ANKRD27: variants seen among roughly 807,000 people sequenced by gnomAD.
ANKRD27 encodes ankyrin repeat domain 27.
Under a neutral mutation model 129.7 loss-of-function variants are expected in ANKRD27, and 112 were observed. That is an observed-to-expected ratio of 0.86 (90% CI 0.74 to 1.01). ANKRD27 has a LOEUF of 1.01. Ranked by LOEUF, ANKRD27 falls within the 50% of genes least tolerant of loss-of-function variation. ANKRD27 has a pLI of 0.00. For missense variants in ANKRD27, 1,258 were observed against 1,300.5 expected (o/e 0.97, Z 0.50); for synonymous variants, 516 against 511.2 (o/e 1.01, Z -0.13).
At chr19:32,652,889 C>A (rs1028836135) in intron 2 of ANKRD27, among the ~76,000 whole-genome samples, 8 of 152,172 alleles carry the variant, frequency 5.3e-5, no homozygotes, top group Admixed American at 4.6e-4. Flanking sequence ...GATCACGCCA[C>A]TATACTCCAG....
rs554018773 is a variant in ANKRD27, at chr19:32,654,503, G to A, written c.102+4411C>T. ...CTTTTTCTTTCAATCTATGAACATAGGTAGAGCACAACTGCGGACTGGACA... is the reference window on the plus strand; with the variant it reads ...CTTTTTCTTTCAATCTATGAACATAAGTAGAGCACAACTGCGGACTGGACA... On this transcript the variant is annotated intron_variant, in intron 2 of 28. Coordinates refer to ENST00000306065, the MANE Select transcript of ANKRD27 (RefSeq NM_032139.3). 1.5e-3 allele frequency among the ~76,000 whole-genome samples: 230 copies of A among 152,306 alleles called. 1 individual carries two copies. The highest frequency in any genetic ancestry group is 5.3e-3 in the African/African-American group (222 of 41,576).
At chr19:32,626,670 AG>A in intron 16 of ANKRD27, 41 bp downstream of exon 16, 1 of 1,485,332 alleles carries the variant, frequency 6.7e-7, no homozygotes, top group Non-Finnish European at 9.2e-7. Flanking sequence ...CCAAGCTCAC[AG>A]GAGCAAAGCG....
chr19:32,639,123 A>C, intron 12 of ANKRD27: 1 of 543,220 alleles, frequency 1.8e-6, no homozygotes. Flanking sequence ...GGACTAATGA[A>C]GTAGGATATT....
At chr19:32,619,651 C>T (rs546444452) in intron 18 of ANKRD27, 98 bp from the exon 19 acceptor site, 55 of 1,445,544 alleles carry the variant, frequency 3.8e-5, no homozygotes, top group African/African-American at 1.1e-4. Flanking sequence ...CCTAGCTCCT[C>T]GGAATGTCAG....
intron 20 of ANKRD27, among the ~76,000 whole-genome samples, chr19:32,618,864 T>C (rs1016318619): frequency 6.6e-6 from 1 of 150,630 alleles, no homozygotes; most frequent in African/African-American, 2.4e-5. Flanking sequence ...TGAGCCCGGA[T>C]TGCACCACTG....
In ANKRD27 at chr19:32,615,676, C is replaced by T; in HGVS notation, c.2157G>A (p.Lys719=). 1 of 1,614,238 alleles carries T rather than the reference C, an allele frequency of 6.2e-7. No individual in the cohort carries two copies. Among genetic ancestry groups the T allele is most frequent in the Non-Finnish European group, 8.5e-7 (1 of 1,180,052 alleles). The change falls in exon 22 of 29, where the codon AAG becomes AAA. Residue 719 remains lysine, a synonymous_variant. Coordinates refer to ENST00000306065, the MANE Select transcript of ANKRD27 (RefSeq NM_032139.3). ...EFCHPLCQCP[K]CAPAQKRLAK... is the part of the protein sequence containing the mutation. ...GCCAAACCTTCTGAGCTGGGGCACA[C>T]TTGGGGCACTGGCACAACGGGTGAC...
At chr19:32,606,035 A>C in intron 23 of ANKRD27, 81 bp from the exon 24 acceptor site, 1 of 1,243,370 alleles carries the variant, frequency 8.0e-7, no homozygotes. Flanking sequence ...AAAAATAAAT[A>C]AATAAATAAA....
intron 21 of ANKRD27, among the ~76,000 whole-genome samples, chr19:32,615,996 A>C (rs1032338419): frequency 2.0e-5 from 3 of 152,144 alleles, no homozygotes; most frequent in Non-Finnish European, 4.4e-5. Flanking sequence ...TATCATAAAA[A>C]AGGACAGGAA....
At chr19:32,674,276 C>T (rs1967934338) in intron 1 of ANKRD27, among the ~76,000 whole-genome samples, 1 of 152,218 alleles carries the variant, frequency 6.6e-6, no homozygotes, top group Non-Finnish European at 1.5e-5. Context: ...AACCCATCAA[C>T]TTGTAAAATC....
chr19:32,626,856 G>A (rs1022372670), intron 15 of ANKRD27, 29 bp from the exon 16 acceptor site: 8 of 1,537,446 alleles, frequency 5.2e-6, no homozygotes, highest in Non-Finnish European at 7.1e-6. Context: ...TCACGATGGA[G>A]AAGGAAGGCG....
intron 12 of ANKRD27, chr19:32,637,660 C>A (rs985736433): frequency 6.6e-6 from 1 of 152,392 alleles, no homozygotes; most frequent in Non-Finnish European, 1.5e-5. Flanking sequence ...AGGGCGGGAG[C>A]CCTGCACTCC....
chr19:32,647,323 A>C (rs1967322325), intron 3 of ANKRD27, among the ~76,000 whole-genome samples: 1 of 152,242 alleles, frequency 6.6e-6, no homozygotes, highest in Non-Finnish European at 1.5e-5. Flanking sequence ...AATGCCCTGA[A>C]AGGGATGTTT....
At position 32,622,518 on chromosome 19, in the gene ANKRD27, G is replaced by C; in HGVS notation, c.1731C>G (p.Tyr577Ter). Residue 577 changes from tyrosine (Y) to a stop codon, truncating the protein, a stop_gained, in exon 18 of 29, where the codon TAC becomes TAG. Transcript: ENST00000306065. LOFTEE classifies it high-confidence loss of function. ...GCAGCAATGTCTCTATGACGCCTTG[G>C]TAGCCCCAGCGGGCAGCAATGTGTA... ...TPLHIAARWG[Y>*]QGVIETLLQN... 2 of 1,614,040 alleles carry C rather than the reference G, an allele frequency of 1.2e-6. No individual in the cohort carries two copies. Among genetic ancestry groups the C allele is most frequent in the Non-Finnish European group, 1.7e-6 (2 of 1,180,034 alleles).
In ANKRD27 at chr19:32,646,463, A is replaced by T. The variant is rs1218241750; in HGVS notation, c.366T>A (p.Ser122Arg). ...CIAHPLEKRE[S>R]SEEPLAPSDP... ...AGGTTTTTTCTCCCAGAATACCTGAACTCTCTCTCTTTTCCAAAGGATGGG... is the reference window on the plus strand; with the variant it reads ...AGGTTTTTTCTCCCAGAATACCTGATCTCTCTCTCTTTTCCAAAGGATGGG... The change falls in exon 4 of 29, where the codon AGT (serine) becomes AGA (arginine). Residue 122 changes from serine (S) to arginine (R), a missense_variant. Transcript: ENST00000306065. 1 of 1,601,384 alleles carries T rather than the reference A, an allele frequency of 6.2e-7. No individual in the cohort carries two copies. The highest frequency in any genetic ancestry group is 2.2e-5 in the East Asian group (1 of 44,812).
At chr19:32,604,534 G>T in intron 24 of ANKRD27, 110 bp from the exon 25 acceptor site, 1 of 1,155,556 alleles carries the variant, frequency 8.7e-7, no homozygotes, top group Non-Finnish European at 1.1e-6. Context: ...TTTTATGTCT[G>T]AAAGTTTCCT....
intron 1 of ANKRD27, among the ~76,000 whole-genome samples, chr19:32,670,028 C>T (rs1967837766): frequency 6.7e-6 from 1 of 149,308 alleles, no homozygotes; most frequent in African/African-American, 2.5e-5. Flanking sequence ...ATGAAAAAAA[C>T]GGCAGGGAAG....
Position 32,639,335 on chromosome 19 carries a change from AG to A in ANKRD27, c.1116+20del. The A allele has an allele frequency of 6.2e-7, 1 of 1,613,948 alleles. No individual in the cohort carries two copies. Among genetic ancestry groups the A allele is most frequent in the South Asian group, 1.1e-5 (1 of 91,066 alleles). On this transcript the variant is annotated intron_variant, in intron 12 of 28. Transcript: ENST00000306065. ...ACCATGATGCCCACAAAGGAAGGCCAGGGCAGGGGTGAGATCTTACAGGGGG... is the reference window on the plus strand; with the variant it reads ...ACCATGATGCCCACAAAGGAAGGCCAGGCAGGGGTGAGATCTTACAGGGGG...
At chr19:32,636,744 T>TTA (rs1280579118) in intron 12 of ANKRD27, among the ~76,000 whole-genome samples, 5 of 128,736 alleles carry the variant, frequency 3.9e-5, no homozygotes, top group South Asian at 5.0e-4. Flanking sequence ...TATATATTTT[T>TTA]TATATATATA....
At chr19:32,644,533 T>G (rs1967266123) in intron 4 of ANKRD27, 54 bp from the exon 5 acceptor site, 2 of 1,596,538 alleles carry the variant, frequency 1.3e-6, no homozygotes, top group Admixed American at 1.7e-5. Context: ...GGTTCCTGAC[T>G]CTGTCCTATC....
Sources: gnomAD v4.1 joint callset for allele counts (sites outside exome capture counted in the v4.1 genomes callset) on GRCh38, gnomAD v4.1.1 for gene constraint, MANE v1.5 for transcripts, NCBI Gene and HGNC (gene_info 2026-07-23, HGNC 2026-07-21) for gene names.